The following TMEM170A variants were observed in gnomAD, a reference collection of about 807,000 sequenced individuals.
TMEM170A encodes the protein transmembrane protein 170.
TMEM170A carries 18 observed loss-of-function variants against 12.8 expected under a neutral mutation model. The ratio of observed to expected loss-of-function variants is 1.41; its 90% CI spans 0.97 to 2.09. The LOEUF (loss-of-function observed/expected upper bound fraction) is 2.09. Ranked by LOEUF, TMEM170A falls within the 30% of genes most tolerant of loss-of-function variation. The probability of loss-of-function intolerance (pLI) is 0.00; values close to 1 mark genes in which losing one functional copy is unlikely to be tolerated. For synonymous variants in TMEM170A, 107 were observed against 76.2 expected, an observed-to-expected ratio of 1.40 and a Z score of -2.11; for missense variants, 220 against 179.9, an observed-to-expected ratio of 1.22 and a Z score of -1.28.
chr16:75,452,970 T>C (rs1405631378), intron 1 of TMEM170A, among the ~76,000 whole-genome samples: 1 of 152,186 alleles, frequency 6.6e-6, no homozygotes, highest in Non-Finnish European at 1.5e-5. Flanking sequence ...GTATTGTTTA[T>C]GGCTGCCTTC....
At chr16:75,451,917 C>T (rs983477544) in intron 1 of TMEM170A, 78 bp from the exon 2 acceptor site, 3 of 1,241,728 alleles carry the variant, frequency 2.4e-6, no homozygotes, top group Non-Finnish European at 2.2e-6. Context: ...TCATCATACC[C>T]GTCATTTCAT....
chr16:75,453,207 G>A (rs542191253), intron 1 of TMEM170A, among the ~76,000 whole-genome samples: 5 of 152,168 alleles, frequency 3.3e-5, no homozygotes, highest in African/African-American at 1.2e-4. Context: ...GCCAAGGTGG[G>A]CAGGTCGCTT....
At chr16:75,451,459 G>C (rs981466482) in intron 2 of TMEM170A, 1 of 611,512 alleles carries the variant, frequency 1.6e-6, no homozygotes, top group African/African-American at 1.8e-5. Context: ...TGATGGAGGA[G>C]GATTACTTGA....
rs2079606790 is a variant in TMEM170A, at chr16:75,447,438, T to C, written c.*120A>G. On this transcript the variant is annotated 3_prime_UTR_variant, in exon 3 of 3. Coordinates refer to ENST00000561878, the MANE Select transcript of TMEM170A (RefSeq NM_145254.3). ...AAAGGCTGAGATGTGTTGTCCTTCA[T>C]GTTCCTGTTCATCCAAGTTGCTTCC... 1.7e-6 allele frequency: 2 copies of C among 1,149,942 alleles called. No individual in the cohort carries two copies. The highest frequency in any genetic ancestry group is 1.2e-6 in the Non-Finnish European group (1 of 857,370). The allele number at this position is 1,149,942 out of a possible 1,614,324, so 71.2% of individuals were successfully genotyped here.
In TMEM170A at chr16:75,444,712, A is replaced by G. The variant is rs1332833139; in HGVS notation, c.*2846T>C. 1 of 152,072 alleles carries G rather than the reference A, an allele frequency of 6.6e-6. No individual in the cohort carries two copies. The highest frequency in any genetic ancestry group is 1.5e-5 in the Non-Finnish European group (1 of 68,010). The allele number at this position is 152,072 out of a possible 1,614,324, so 9.4% of individuals were successfully genotyped here. ...ACCGCTCAAGCTATTTAAAATCTAT[A>G]TATATATATAGATTTATTCACTGGA... is the stretch of plus-strand genomic sequence containing the variant. On this transcript the variant is annotated 3_prime_UTR_variant, in exon 3 of 3. Coordinates refer to ENST00000561878, the MANE Select transcript of TMEM170A (RefSeq NM_145254.3).
intron 1 of TMEM170A, among the ~76,000 whole-genome samples, chr16:75,456,101 C>T (rs181896664): frequency 6.6e-6 from 1 of 152,132 alleles, no homozygotes; most frequent in African/African-American, 2.4e-5. Context: ...AGGGGTGGAG[C>T]CAAATCCCCT....
Position 75,449,255 on chromosome 16 carries a change from A to G in TMEM170A, c.305-1567T>C, listed in dbSNP as rs535406507. On this transcript the variant is annotated intron_variant, in intron 2 of 2. Coordinates refer to ENST00000561878, the MANE Select transcript of TMEM170A (RefSeq NM_145254.3). ...GATCGCTATTCTCAAGGTACTTGGAATCTAGCTGGGGACACAAGACAGAAA... is the reference window on the plus strand; with the variant it reads ...GATCGCTATTCTCAAGGTACTTGGAGTCTAGCTGGGGACACAAGACAGAAA... 1.8e-4 allele frequency among the ~76,000 whole-genome samples: 27 copies of G among 152,214 alleles called. No homozygotes were observed. In the South Asian group the frequency reaches 5.4e-3, roughly 30 times the overall value.
chr16:75,464,365 C>T, intron 1 of TMEM170A, 103 bp downstream of exon 1: 1 of 1,378,642 alleles, frequency 7.3e-7, no homozygotes, highest in Non-Finnish European at 9.4e-7. Flanking sequence ...GCCCACGCCG[C>T]CAGCAGGCTG....
chr16:75,460,247 G>A (rs1161928301), intron 1 of TMEM170A, among the ~76,000 whole-genome samples: 1 of 151,642 alleles, frequency 6.6e-6, no homozygotes, highest in East Asian at 1.9e-4. Flanking sequence ...TTCTCAGGAT[G>A]ATGCAAATAT....
At chr16:75,463,762 G>A (rs1218512860) in intron 1 of TMEM170A, among the ~76,000 whole-genome samples, 4 of 152,150 alleles carry the variant, frequency 2.6e-5, no homozygotes, top group African/African-American at 7.2e-5. Context: ...AGCTTTCAGG[G>A]CACGGAGCGC....
intron 1 of TMEM170A, chr16:75,464,082 A>T: frequency 1.2e-6 from 1 of 832,808 alleles, no homozygotes; most frequent in East Asian, 3.2e-5. Flanking sequence ...GACCCCTCGA[A>T]GGAGGCCGGG....
chr16:75,461,424 G>GA (rs1281630294), intron 1 of TMEM170A, among the ~76,000 whole-genome samples: 3 of 152,124 alleles, frequency 2.0e-5, no homozygotes, highest in Non-Finnish European at 4.4e-5. Flanking sequence ...AGGTAATAAA[G>GA]AAAAAATCAA....
chr16:75,462,979 C>T (rs780169205), intron 1 of TMEM170A, among the ~76,000 whole-genome samples: 1 of 152,022 alleles, frequency 6.6e-6, no homozygotes, highest in Non-Finnish European at 1.5e-5. Context: ...TATTGAATGA[C>T]TCGAGTTGAA....
At chr16:75,452,003 G>C (rs1458412743) in intron 1 of TMEM170A, among the ~76,000 whole-genome samples, 164 bp from the exon 2 acceptor site, 1 of 151,608 alleles carries the variant, frequency 6.6e-6, no homozygotes, top group South Asian at 2.1e-4. Flanking sequence ...ACGGAGTCTC[G>C]CTCTGTCACC....
intron 1 of TMEM170A, among the ~76,000 whole-genome samples, chr16:75,456,516 A>C (rs988593426): frequency 2.0e-5 from 3 of 152,126 alleles, no homozygotes; most frequent in African/African-American, 7.2e-5. Flanking sequence ...AGTCAGCCTT[A>C]GTCAATAGTG....
At chr16:75,456,766 C>G (rs2079806075) in intron 1 of TMEM170A, among the ~76,000 whole-genome samples, 1 of 152,164 alleles carries the variant, frequency 6.6e-6, no homozygotes, top group Admixed American at 6.5e-5. Context: ...GCTCTGGTGC[C>G]CACACAAATC....
chr16:75,457,914 G>A (rs1018560819), intron 1 of TMEM170A, among the ~76,000 whole-genome samples: 4 of 152,206 alleles, frequency 2.6e-5, no homozygotes, highest in African/African-American at 9.7e-5. Flanking sequence ...TTATAGATGA[G>A]TAGAGGAGTA....
chr16:75,453,509 A>C (rs1470605904), intron 1 of TMEM170A, among the ~76,000 whole-genome samples: 4 of 152,184 alleles, frequency 2.6e-5, no homozygotes, highest in African/African-American at 9.7e-5. Flanking sequence ...GAGCCAATTG[A>C]TACGGTACTA....
At position 75,451,739 on chromosome 16, in the gene TMEM170A, A is replaced by G. The variant is rs756167044; in HGVS notation, c.234T>C (p.Tyr78=). ...GGATGCTTACAGACATGAACCTACC[A>G]TATTTGTGATGTCTGAGGGTGAAGA... ...LALFTLRHHK[Y]GRFMSVSILL... The change falls in exon 2 of 3, where the codon TAT becomes TAC. Residue 78 remains tyrosine, a synonymous_variant. Coordinates refer to ENST00000561878, the MANE Select transcript of TMEM170A (RefSeq NM_145254.3). The G allele has an allele frequency of 9.9e-6, 16 of 1,614,176 alleles. No individual in the cohort carries two copies. The highest frequency in any genetic ancestry group is 1.3e-5 in the African/African-American group (1 of 75,040).
Sources: allele counts gnomAD v4.1 joint callset (sites outside exome capture counted in the v4.1 genomes callset), GRCh38; gene constraint gnomAD v4.1.1; transcripts MANE v1.5; gene names NCBI Gene and HGNC (gene_info 2026-07-23, HGNC 2026-07-21).